The following NOTCH2NLC variants were observed in gnomAD, a reference collection of about 807,000 sequenced individuals.
NOTCH2NLC encodes notch homolog 2 N-terminal-like protein C.
A neutral mutation model predicts 17.7 loss-of-function variants in NOTCH2NLC; 4 were observed. That is an observed-to-expected ratio of 0.23 (90% CI 0.11 to 0.52). NOTCH2NLC has a LOEUF of 0.52. Ranked by LOEUF, NOTCH2NLC falls within the 20% of genes least tolerant of loss-of-function variation. The pLI, the probability that NOTCH2NLC is intolerant of heterozygous loss-of-function variation, is 0.96. For missense variants in NOTCH2NLC, 57 were observed against 207.2 expected (o/e 0.28, Z 4.45); for synonymous variants, 18 against 86.0 (o/e 0.21, Z 4.38).
rs1322904007 is a variant in NOTCH2NLC, at chr1:149,468,797, G to C, written c.*4644G>C. On this transcript the variant is annotated 3_prime_UTR_variant, in exon 5 of 5. Transcript: ENST00000650865. ...AAGTGGAAGCAGTGAGCCTGGGCGG[G>C]TGATGGAGTGGGAGATACGTGGCAC... Among the ~76,000 whole-genome samples, 1 of 142,106 alleles carries C rather than the reference G, an allele frequency of 7.0e-6. No homozygotes were observed. Among genetic ancestry groups the C allele is most frequent in the Admixed American group, 7.3e-5 (1 of 13,720 alleles). 93.2% of individuals were successfully genotyped at this position (142,106 alleles called of 152,430 possible).
chr1:149,413,418 TC>T (rs1184540315), intron 1 of NOTCH2NLC, among the ~76,000 whole-genome samples: 2 of 151,078 alleles, frequency 1.3e-5, no homozygotes, highest in Non-Finnish European at 3.0e-5. Context: ...CTGCCTTGGA[TC>T]CCCCAAAGTC....
intron 1 of NOTCH2NLC, among the ~76,000 whole-genome samples, chr1:149,424,541 G>C (rs1355063702): frequency 5.6e-4 from 85 of 150,912 alleles, no homozygotes; most frequent in African/African-American, 2.0e-3. Flanking sequence ...ACAAATATTA[G>C]TGGAACTGTA....
At chr1:149,398,230 A>G (rs1380905283) in intron 1 of NOTCH2NLC, among the ~76,000 whole-genome samples, 2 of 150,696 alleles carry the variant, frequency 1.3e-5, no homozygotes, top group Non-Finnish European at 3.0e-5. Flanking sequence ...ATTTAGAAGT[A>G]TTAGAACTTG....
intron 1 of NOTCH2NLC, among the ~76,000 whole-genome samples, chr1:149,417,309 C>T (rs1452845489): frequency 2.5e-4 from 38 of 150,486 alleles, no homozygotes; most frequent in Admixed American, 1.4e-3. Context: ...GGGGTTTCAC[C>T]GTGTTAGCCA....
chr1:149,428,850 G>T (rs1338893196), intron 1 of NOTCH2NLC, among the ~76,000 whole-genome samples: 1 of 150,420 alleles, frequency 6.6e-6, no homozygotes, highest in African/African-American at 2.4e-5. Flanking sequence ...TGTGCCTACA[G>T]GGCATTCCTT....
At chr1:149,396,046 C>T (rs1221399763) in intron 1 of NOTCH2NLC, among the ~76,000 whole-genome samples, 5 of 151,220 alleles carry the variant, frequency 3.3e-5, no homozygotes, top group Non-Finnish European at 7.4e-5. Flanking sequence ...GTCTTAGTCA[C>T]AGCATCTATG....
chr1:149,405,154 G>T (rs1361832178), intron 1 of NOTCH2NLC, among the ~76,000 whole-genome samples: 4 of 147,250 alleles, frequency 2.7e-5, no homozygotes, highest in Non-Finnish European at 6.0e-5. Context: ...CATAAAAGTA[G>T]CTGAAGCTGC....
chr1:149,413,067 G>A (rs1366479943), intron 1 of NOTCH2NLC, among the ~76,000 whole-genome samples: 2 of 148,644 alleles, frequency 1.3e-5, no homozygotes, highest in Admixed American at 6.7e-5. Context: ...ACTACCACCC[G>A]GCTAATTTTT....
At chr1:149,438,027 C>T (rs1457698596) in intron 2 of NOTCH2NLC, among the ~76,000 whole-genome samples, 59 of 149,186 alleles carry the variant, frequency 4.0e-4, no homozygotes, top group South Asian at 1.1e-3. Flanking sequence ...TGTACTGTCA[C>T]GTTGAGTCTC....
chr1:149,416,863 G>C (rs1401512535), intron 1 of NOTCH2NLC, among the ~76,000 whole-genome samples: 5 of 139,810 alleles, frequency 3.6e-5, no homozygotes, highest in African/African-American at 1.3e-4. Flanking sequence ...AGTCATTAGG[G>C]CATGTGTATG....
Position 149,415,983 on chromosome 1 carries a change from A to AT in NOTCH2NLC, c.136-14958dup, listed in dbSNP as rs1311656108. ...TCCCATTTCAAGATCCATGTTTGCT[A>AT]TATGTGTCAGATGATAAAAATGCCA... is the stretch of plus-strand genomic sequence containing the variant. On this transcript the variant is annotated intron_variant, in intron 1 of 4. Transcript: ENST00000650865. Among the ~76,000 whole-genome samples, 123 of 150,922 alleles carry AT rather than the reference A, an allele frequency of 8.1e-4. 7 individuals are homozygous for AT. Among genetic ancestry groups the AT allele is most frequent in the Middle Eastern group, 3.4e-3 (1 of 290 alleles).
chr1:149,395,593 T>C (rs2084200190), intron 1 of NOTCH2NLC, among the ~76,000 whole-genome samples: 5 of 149,844 alleles, frequency 3.3e-5, no homozygotes, highest in Admixed American at 3.3e-4. Flanking sequence ...TATTACTGTA[T>C]TACTAGGCCA....
rs1488868763 is a variant in NOTCH2NLC at position 149,468,884 on chromosome 1, GT to G, written c.*4733del. Among the ~76,000 whole-genome samples the G allele has an allele frequency of 1.5e-5, 2 of 132,356 alleles. No individual in the cohort carries two copies. Among genetic ancestry groups the G allele is most frequent in the African/African-American group, 5.5e-5 (2 of 36,496 alleles). The allele number at this position is 132,356 out of a possible 152,430, so 86.8% of individuals were successfully genotyped here. A position where few individuals can be genotyped will look rare whatever the true frequency, so the allele number is the denominator to read the frequency against. ...TGGAAGGTGTGTGCCAAGAAAACTG[GT>G]TGGATAGGGATAGGTCAGGGATTCC... is the stretch of plus-strand genomic sequence containing the variant. On this transcript the variant is annotated 3_prime_UTR_variant, in exon 5 of 5. Transcript: ENST00000650865.
intron 3 of NOTCH2NLC, among the ~76,000 whole-genome samples, chr1:149,460,933 C>T (rs2084645952): frequency 1.4e-5 from 2 of 137,946 alleles, no homozygotes; most frequent in Non-Finnish European, 3.2e-5. Context: ...TTCTCTCTTT[C>T]TCTCTCTTTC....
At chr1:149,439,077 TC>T (rs2084500615) in intron 2 of NOTCH2NLC, among the ~76,000 whole-genome samples, 1 of 69,080 alleles carries the variant, frequency 1.4e-5, no homozygotes, top group Non-Finnish European at 2.6e-5. Context: ...TAATTTTTAT[TC>T]TTTCAGTTGG....
At chr1:149,392,886 A>G (rs1282184884) in intron 1 of NOTCH2NLC, among the ~76,000 whole-genome samples, 1 of 150,442 alleles carries the variant, frequency 6.6e-6, no homozygotes, top group African/African-American at 2.4e-5. Context: ...CCCGGCTAAA[A>G]CGGTGAAACC....
chr1:149,420,122 G>A (rs1481298477), intron 1 of NOTCH2NLC, among the ~76,000 whole-genome samples: 5 of 149,870 alleles, frequency 3.3e-5, no homozygotes, highest in Admixed American at 6.7e-5. Context: ...CGCCCACCTC[G>A]GCCTCCCAAA....
In NOTCH2NLC at chr1:149,436,816, G is replaced by T. The variant is rs1268023458; in HGVS notation, c.209+5801G>T. ...GTTTTTCTGGAAAATGATAGCAGAAGCTTGGCCAGTTTTCCATAGTTCATT... is the reference window on the plus strand; with the variant it reads ...GTTTTTCTGGAAAATGATAGCAGAATCTTGGCCAGTTTTCCATAGTTCATT... On this transcript the variant is annotated intron_variant, in intron 2 of 4. Coordinates refer to ENST00000650865, the MANE Select transcript of NOTCH2NLC (RefSeq NM_001364013.2). Among the ~76,000 whole-genome samples, 3 of 138,398 alleles carry T rather than the reference G, an allele frequency of 2.2e-5. No individual in the cohort carries two copies. In the Admixed American group the frequency reaches 2.2e-4, roughly 10 times the overall value. 90.8% of individuals were successfully genotyped at this position (138,398 alleles called of 152,430 possible). A position where few individuals can be genotyped will look rare whatever the true frequency, so the allele number is the denominator to read the frequency against.
At chr1:149,394,347 T>C (rs1264962912) in intron 1 of NOTCH2NLC, among the ~76,000 whole-genome samples, 1 of 150,886 alleles carries the variant, frequency 6.6e-6, no homozygotes, top group Non-Finnish European at 1.5e-5. Context: ...TTAAGAAATT[T>C]CCATAACAAA....
Sources: allele counts gnomAD v4.1 joint callset (sites outside exome capture counted in the v4.1 genomes callset), GRCh38; gene constraint gnomAD v4.1.1; transcripts MANE v1.5; gene names NCBI Gene and HGNC (gene_info 2026-07-23, HGNC 2026-07-21).